The following MACROD1 variants were observed in gnomAD, a reference collection of about 807,000 sequenced individuals.
MACROD1 encodes the protein mono-ADP ribosylhydrolase 1, also known as ADP-ribose glycohydrolase MACROD1.
A neutral mutation model predicts 41.4 loss-of-function variants in MACROD1; 31 were observed. The observed-to-expected ratio is 0.75, with a 90% CI of 0.56 to 1.01. The LOEUF is 1.01. MACROD1 is among the 50% of genes least tolerant of loss of function. MACROD1 has a pLI of 0.00. For missense variants in MACROD1, 473 were observed against 460.0 expected, an observed-to-expected ratio of 1.03 and a Z score of -0.26; for synonymous variants, 252 against 203.4, an observed-to-expected ratio of 1.24 and a Z score of -2.03.
chr11:64,042,947 G>A (rs970668372), intron 3 of MACROD1, among the ~76,000 whole-genome samples: 1 of 152,226 alleles, frequency 6.6e-6, no homozygotes, highest in African/African-American at 2.4e-5. Context: ...GAGGCACAGA[G>A]TGGAGACACG....
At chr11:64,010,311 T>TGG (rs1942986194) in intron 4 of MACROD1, among the ~76,000 whole-genome samples, 1 of 133,382 alleles carries the variant, frequency 7.5e-6, no homozygotes, top group South Asian at 2.5e-4. Context: ...GAGTGTTGGC[T>TGG]GGTATGTTGT....
chr11:64,148,622 A>G (rs530316437), intron 3 of MACROD1: 84 of 620,442 alleles, frequency 1.4e-4, no homozygotes, highest in African/African-American at 1.2e-3. Context: ...TAATGATTAT[A>G]ATCAAGTCAA....
Position 64,032,394 on chromosome 11 carries a change from C to T in MACROD1, c.518-17113G>A, listed in dbSNP as rs188167479. Reference sequence around the variant, plus strand: ...GCAAGGCTGGGATGGTGCCCAGGGCCGATGGCTGGTGAGTTGCAGGATGGC... The same window carrying T: ...GCAAGGCTGGGATGGTGCCCAGGGCTGATGGCTGGTGAGTTGCAGGATGGC... On this transcript the variant is annotated intron_variant, in intron 3 of 10. Coordinates refer to ENST00000255681, the MANE Select transcript of MACROD1 (RefSeq NM_014067.4). 9.1e-4 allele frequency among the ~76,000 whole-genome samples: 139 copies of T among 152,246 alleles called. 1 individual carries two copies. The highest frequency in any genetic ancestry group is 1.7e-3 in the Non-Finnish European group (119 of 68,014).
At chr11:64,053,036 C>G (rs1480963679) in intron 3 of MACROD1, among the ~76,000 whole-genome samples, 4 of 152,218 alleles carry the variant, frequency 2.6e-5, no homozygotes, top group Non-Finnish European at 4.4e-5. Context: ...TCAACTGCAG[C>G]CAAACAGTGC....
In MACROD1 at chr11:64,036,651, G is replaced by A. The variant is rs1188927318; in HGVS notation, c.518-21370C>T. On this transcript the variant is annotated intron_variant, in intron 3 of 10. Transcript: ENST00000255681. The surrounding 1 kb of genome is among the most constrained non-coding windows in gnomAD (Gnocchi z 5.6). ...CCGCGTGAGTCACGGTTGGAGCGAG[G>A]TTTTATTTTTAAAACGACTTCAAGG... Among the ~76,000 whole-genome samples the A allele has an allele frequency of 2.6e-5, 4 of 152,280 alleles. No homozygotes were observed. The highest frequency in any genetic ancestry group is 4.4e-5 in the Non-Finnish European group (3 of 68,014).
intron 3 of MACROD1, among the ~76,000 whole-genome samples, chr11:64,108,340 C>G (rs1337162803): frequency 6.6e-6 from 1 of 151,936 alleles, no homozygotes; most frequent in South Asian, 2.1e-4. Context: ...GACTTGAGAC[C>G]CAGGGCCACC....
Position 63,999,124 on chromosome 11 carries a change from T to A in MACROD1, c.892-88A>T. 4.4e-6 allele frequency: 6 copies of A among 1,374,334 alleles called. No individual in the cohort carries two copies. The South Asian group carries it at 8.1e-5, about 19-fold the overall frequency. The allele number at this position is 1,374,334 out of a possible 1,614,324, so 85.1% of individuals were successfully genotyped here. Reference sequence around the variant, plus strand: ...GCCTGCCCTGGTGCAGGCTTTCACCTGCCTGGCCCTGCGCCCTTCACGGAG... The same window carrying A: ...GCCTGCCCTGGTGCAGGCTTTCACCAGCCTGGCCCTGCGCCCTTCACGGAG... On this transcript the variant is annotated intron_variant, in intron 8 of 10. Coordinates refer to ENST00000255681, the MANE Select transcript of MACROD1 (RefSeq NM_014067.4).
chr11:64,121,067 G>T (rs1370274316), intron 3 of MACROD1, among the ~76,000 whole-genome samples: 1 of 152,142 alleles, frequency 6.6e-6, no homozygotes, highest in African/African-American at 2.4e-5. Context: ...GCTTGGCTGG[G>T]GCAGGAGTGC....
At chr11:64,121,584 C>T (rs1945098610) in intron 3 of MACROD1, among the ~76,000 whole-genome samples, 1 of 152,230 alleles carries the variant, frequency 6.6e-6, no homozygotes, top group Non-Finnish European at 1.5e-5. Flanking sequence ...CCTCTTGGCC[C>T]AGCTCCTCCC....
At chr11:64,105,614 A>AC (rs1296912204) in intron 3 of MACROD1, among the ~76,000 whole-genome samples, 5 of 152,144 alleles carry the variant, frequency 3.3e-5, no homozygotes, top group African/African-American at 1.2e-4. Context: ...AAGAGGCGTG[A>AC]CCCCACAGGC....
intron 3 of MACROD1, among the ~76,000 whole-genome samples, chr11:64,020,618 G>A (rs894551264): frequency 6.6e-6 from 1 of 152,018 alleles, no homozygotes; most frequent in African/African-American, 2.4e-5. Flanking sequence ...CTGCCTGGAG[G>A]AGACCCTCAT....
At chr11:64,140,863 AG>A (rs1052159827) in intron 3 of MACROD1, among the ~76,000 whole-genome samples, 1 of 152,252 alleles carries the variant, frequency 6.6e-6, no homozygotes, top group Non-Finnish European at 1.5e-5. Flanking sequence ...GGCCAGGCAC[AG>A]TGGCTCATGC....
chr11:64,045,950 A>G (rs539448421), intron 3 of MACROD1, among the ~76,000 whole-genome samples: 23 of 152,344 alleles, frequency 1.5e-4, no homozygotes, highest in South Asian at 8.3e-4. Flanking sequence ...GACACTGGGT[A>G]ACATGACTGA....
At chr11:64,008,103 A>G (rs1466975339) in intron 4 of MACROD1, among the ~76,000 whole-genome samples, 3 of 152,206 alleles carry the variant, frequency 2.0e-5, no homozygotes, top group Non-Finnish European at 4.4e-5. Flanking sequence ...CTGAATACTT[A>G]GAGGCCTGGG....
intron 3 of MACROD1, among the ~76,000 whole-genome samples, chr11:64,139,812 C>T (rs1401820337): frequency 1.3e-5 from 2 of 151,964 alleles, no homozygotes; most frequent in African/African-American, 4.8e-5. Flanking sequence ...AAAAATTAGC[C>T]GGGCGTGGTG....
intron 3 of MACROD1, among the ~76,000 whole-genome samples, chr11:64,065,013 G>A (rs1943970740): frequency 6.6e-6 from 1 of 152,216 alleles, no homozygotes; most frequent in South Asian, 2.1e-4. Flanking sequence ...GCCAGAGGCG[G>A]GCAATGCTGG....
At chr11:64,033,570 G>A (rs922833528) in intron 3 of MACROD1, among the ~76,000 whole-genome samples, 5 of 151,932 alleles carry the variant, frequency 3.3e-5, no homozygotes, top group African/African-American at 7.3e-5. Context: ...GCCGGGTGTG[G>A]TGGCTCACGT....
chr11:64,022,789 G>A (rs1943175187), intron 3 of MACROD1, among the ~76,000 whole-genome samples: 1 of 152,112 alleles, frequency 6.6e-6, no homozygotes, highest in Admixed American at 6.5e-5. Flanking sequence ...TGGGGAGCCA[G>A]GGGAGCAGGG....
intron 3 of MACROD1, among the ~76,000 whole-genome samples, chr11:64,091,567 G>C (rs7946301): frequency 2.6e-5 from 4 of 151,978 alleles, no homozygotes; most frequent in Non-Finnish European, 4.4e-5. Flanking sequence ...CCAGTCCTTC[G>C]GGCGTTTGCA....
Sources: gnomAD v4.1 joint callset for allele counts (sites outside exome capture counted in the v4.1 genomes callset) on GRCh38, gnomAD v4.1.1 for gene constraint, Gnocchi (gnomAD v3.1) non-coding constraint, MANE v1.5 for transcripts, NCBI Gene and HGNC (gene_info 2026-07-23, HGNC 2026-07-21) for gene names.